ANO3: variants seen among roughly 807,000 people sequenced by gnomAD.
The protein encoded by ANO3 is anoctamin-3.
Under a neutral mutation model 144.8 loss-of-function variants are expected in ANO3, and 99 were observed. That is an observed-to-expected ratio of 0.68 (90% CI 0.58 to 0.81). The LOEUF (loss-of-function observed/expected upper bound fraction) is 0.81. ANO3 is among the 30% of genes least tolerant of loss of function. The pLI is 0.00. For missense variants in ANO3, 905 were observed against 1,202.2 expected (o/e 0.75, Z 3.66); for synonymous variants, 414 against 392.6 (o/e 1.05, Z -0.64).
intron 6 of ANO3, among the ~76,000 whole-genome samples, chr11:26,523,201 C>T (rs1412523679): frequency 6.6e-6 from 1 of 152,040 alleles, no homozygotes; most frequent in South Asian, 2.1e-4. Flanking sequence ...TGGGGGAAAC[C>T]GCTCCCATGA....
chr11:26,490,031 G>A (rs930761215), intron 4 of ANO3, among the ~76,000 whole-genome samples: 1 of 152,132 alleles, frequency 6.6e-6, no homozygotes, highest in Non-Finnish European at 1.5e-5. Flanking sequence ...AGGGTCCAGG[G>A]ACAGAATGAT....
At chr11:26,219,782 A>G (rs1852105687) in intron 1 of ANO3, among the ~76,000 whole-genome samples, 2 of 152,160 alleles carry the variant, frequency 1.3e-5, no homozygotes, top group Admixed American at 1.3e-4. Flanking sequence ...GGATAAACAG[A>G]AGCCTAGGAT....
intron 1 of ANO3, among the ~76,000 whole-genome samples, chr11:26,277,333 C>T (rs12277741): frequency 0.03 from 4,569 of 152,042 alleles, 218 homozygotes; most frequent in African/African-American, 0.1. Context: ...GAATTGCCCA[C>T]GCTACATTGA....
Position 26,634,293 on chromosome 11 carries a change from T to C in ANO3, c.1963T>C (p.Tyr655His). The C allele has an allele frequency of 6.2e-7, 1 of 1,612,914 alleles. No homozygotes were observed. Among genetic ancestry groups the C allele is most frequent in the Non-Finnish European group, 8.5e-7 (1 of 1,179,020 alleles). The part of the protein sequence containing the change: ...QFVNLNSSIF[Y>H]IAFFLGRFVG... Reference sequence around the variant, plus strand: ...TGTCAATTTAAACAGTTCCATCTTCTATATCGCTTTCTTTTTGGGAAGGTA... The same window carrying C: ...TGTCAATTTAAACAGTTCCATCTTCCATATCGCTTTCTTTTTGGGAAGGTA... Residue 655 changes from tyrosine to histidine, a missense_variant, in exon 19 of 27, where the codon TAT (tyrosine) becomes CAT (histidine). Tyr to His is a moderately conservative substitution (Grantham distance 83). This residue lies in a region of ANO3 where 597 missense variants were observed against 865.1 expected (regional missense o/e 0.69). Transcript: ENST00000256737.
intron 18 of ANO3, among the ~76,000 whole-genome samples, chr11:26,630,423 C>T (rs962096959): frequency 2.6e-5 from 4 of 152,202 alleles, no homozygotes; most frequent in Admixed American, 2.0e-4. Context: ...TGTCACTTGA[C>T]ATTAATCAGG....
intron 1 of ANO3, among the ~76,000 whole-genome samples, chr11:26,219,443 A>G (rs1852098714): frequency 6.6e-6 from 1 of 152,074 alleles, no homozygotes; most frequent in African/African-American, 2.4e-5. Flanking sequence ...TGCAAAAGGA[A>G]GTCATATCTT....
intron 14 of ANO3, among the ~76,000 whole-genome samples, chr11:26,573,517 A>T (rs1850905990): frequency 6.6e-6 from 1 of 152,138 alleles, no homozygotes; most frequent in African/African-American, 2.4e-5. Context: ...ACTGAACATG[A>T]TTGGGCAGGA....
intron 1 of ANO3, among the ~76,000 whole-genome samples, chr11:26,193,858 A>G (rs1198349584): frequency 6.6e-6 from 1 of 152,164 alleles, no homozygotes; most frequent in African/African-American, 2.4e-5. Flanking sequence ...CATGTAAATT[A>G]ACATTTTTAC....
chr11:26,239,797 C>T (rs1360693695), intron 1 of ANO3, among the ~76,000 whole-genome samples: 2 of 152,060 alleles, frequency 1.3e-5, no homozygotes, highest in Non-Finnish European at 2.9e-5. Flanking sequence ...GAAGAAGATC[C>T]CAAATTTCTG....
At chr11:26,485,490 C>A (rs117071769) in intron 4 of ANO3, among the ~76,000 whole-genome samples, 1 of 152,064 alleles carries the variant, frequency 6.6e-6, no homozygotes, top group Admixed American at 6.6e-5. Flanking sequence ...CCTCCCGAGC[C>A]ACGCTTCCTG....
In ANO3 at chr11:26,375,069, T is replaced by G. The variant is rs117371064; in HGVS notation, c.46+42748T>G. On this transcript the variant is annotated intron_variant, in intron 1 of 26. Coordinates refer to ENST00000256737, the MANE Select transcript of ANO3 (RefSeq NM_031418.4). ...GTGTGCACTTTATTTCTATTATTAT[T>G]ACATACTCATCATAATGTAGAATCA... Among the ~76,000 whole-genome samples, 101 of 152,314 alleles carry G rather than the reference T, an allele frequency of 6.6e-4. 1 individual carries two copies. The East Asian group carries it at 0.019, about 29-fold the overall frequency.
chr11:26,556,589 T>G (rs180683824), intron 13 of ANO3, among the ~76,000 whole-genome samples: 32 of 152,266 alleles, frequency 2.1e-4, no homozygotes, highest in African/African-American at 7.2e-4. Context: ...GGCCTCAAAC[T>G]CTCTATGTTA....
intron 1 of ANO3, among the ~76,000 whole-genome samples, chr11:26,382,571 T>C (rs142991699): frequency 2.0e-5 from 3 of 152,262 alleles, no homozygotes; most frequent in African/African-American, 4.8e-5. Flanking sequence ...GCATCAGTCA[T>C]AGAAGCAGGC....
At chr11:26,349,180 T>C (rs75075699) in intron 1 of ANO3, among the ~76,000 whole-genome samples, 3,992 of 152,340 alleles carry the variant, frequency 0.026, 162 homozygotes, top group African/African-American at 0.09. Flanking sequence ...TAATTTCTTT[T>C]AATTTGTAGC....
chr11:26,627,854 T>TGTGC (rs1262119961), intron 18 of ANO3, among the ~76,000 whole-genome samples: 6,647 of 139,608 alleles, frequency 0.048, 178 homozygotes, highest in Middle Eastern at 0.064. Context: ...TGTGTGTGTG[T>TGTGC]GCGCCTGACA....
Position 26,240,803 on chromosome 11 carries a change from T to C in ANO3, c.154+51473T>C, listed in dbSNP as rs147698535. On this transcript the variant is annotated intron_variant, in intron 1 of 27. Transcript: ENST00000672621. ...TACTGCCATGTTATGGAAACGTATA[T>C]CTTATTACACTTGAATATTCTGTAT... 5.3e-5 allele frequency among the ~76,000 whole-genome samples: 8 copies of C among 152,282 alleles called. No individual in the cohort carries two copies. The East Asian group carries it at 1.2e-3, about 22-fold the overall frequency.
chr11:26,405,078 C>T (rs531281974), intron 1 of ANO3, among the ~76,000 whole-genome samples: 44 of 151,544 alleles, frequency 2.9e-4, no homozygotes, highest in African/African-American at 1.0e-3. Context: ...TAGTGTTTGC[C>T]TCACAATAGC....
intron 1 of ANO3, among the ~76,000 whole-genome samples, chr11:26,241,646 TA>T (rs1424253132): frequency 2.0e-5 from 3 of 152,174 alleles, no homozygotes; most frequent in African/African-American, 7.2e-5. Context: ...TAACAATTAA[TA>T]GATAGTATTG....
chr11:26,219,645 G>C (rs554562447), intron 1 of ANO3, among the ~76,000 whole-genome samples: 1 of 152,254 alleles, frequency 6.6e-6, no homozygotes, highest in East Asian at 1.9e-4. Context: ...AGGAAGCCTA[G>C]AATGATAACC....
Sources: allele counts gnomAD v4.1 joint callset (sites outside exome capture counted in the v4.1 genomes callset), GRCh38; gene constraint gnomAD v4.1.1; regional missense constraint gnomAD v4.1.1; transcripts MANE v1.5; gene names NCBI Gene and HGNC (gene_info 2026-07-23, HGNC 2026-07-21).